The following SCHIP1 variants were observed in gnomAD, a reference collection of about 807,000 sequenced individuals.
SCHIP1 encodes the protein schwannomin interacting protein 1.
In SCHIP1, 8 loss-of-function variants were observed where a neutral mutation model predicts 29.7. The ratio of observed to expected loss-of-function variants is 0.27; its 90% confidence interval spans 0.16 to 0.49. The LOEUF (loss-of-function observed/expected upper bound fraction) is 0.49, where lower values mean the gene tolerates loss of function less well. Among genes scored for constraint, SCHIP1 ranks in the 20% least tolerant of loss-of-function variants. SCHIP1 has a pLI of 0.99. For missense variants in SCHIP1, 193 were observed against 294.6 expected (o/e 0.66, Z 2.52); for synonymous variants, 76 against 94.9 (o/e 0.80, Z 1.16).
the SCHIP1 span, among the ~76,000 whole-genome samples, chr3:159,406,068 TAACA>T: frequency 6.6e-6 from 1 of 151,272 alleles, no homozygotes. Context: ...TTCAAAGGGA[TAACA>T]AACAACTTCC....
the SCHIP1 span, among the ~76,000 whole-genome samples, chr3:159,627,692 T>C: frequency 6.6e-6 from 1 of 152,194 alleles, no homozygotes; most frequent in Admixed American, 6.6e-5. Flanking sequence ...AGAAAAATAT[T>C]CATCTGAAGA....
the SCHIP1 span, among the ~76,000 whole-genome samples, chr3:159,390,909 T>C: frequency 6.6e-6 from 1 of 152,160 alleles, no homozygotes; most frequent in Admixed American, 6.6e-5. Flanking sequence ...GAACTCAATC[T>C]GTACAGCTCA....
At chr3:159,606,064 C>T in the SCHIP1 span, among the ~76,000 whole-genome samples, 2 of 152,176 alleles carry the variant, frequency 1.3e-5, no homozygotes, top group South Asian at 4.2e-4. Context: ...CATGAATCTC[C>T]CCAGGTAGTT....
At chr3:159,497,701 G>A in the SCHIP1 span, among the ~76,000 whole-genome samples, 1 of 151,904 alleles carries the variant, frequency 6.6e-6, no homozygotes, top group Non-Finnish European at 1.5e-5. Context: ...AAGAATGGAA[G>A]AGAAGGAGGG....
the SCHIP1 span, among the ~76,000 whole-genome samples, chr3:159,426,853 A>C: frequency 2.0e-5 from 3 of 152,354 alleles, no homozygotes; most frequent in Non-Finnish European, 4.4e-5. Context: ...AGTGGGTTTC[A>C]TCTCTGGGAT....
At chr3:159,673,108 C>T in the SCHIP1 span, among the ~76,000 whole-genome samples, 1 of 152,184 alleles carries the variant, frequency 6.6e-6, no homozygotes, top group East Asian at 1.9e-4. Context: ...CAATGTTTCC[C>T]GCCTCCTCCA....
the SCHIP1 span, among the ~76,000 whole-genome samples, chr3:159,706,937 G>C: frequency 6.6e-6 from 1 of 152,298 alleles, no homozygotes; most frequent in Admixed American, 6.5e-5. Flanking sequence ...CTCGTTATGT[G>C]TCAGACACTC....
the SCHIP1 span, among the ~76,000 whole-genome samples, chr3:159,641,037 G>A: frequency 2.0e-4 from 31 of 152,140 alleles, no homozygotes; most frequent in African/African-American, 5.8e-4. Context: ...GCTGGAAAAC[G>A]AAGCCTAAAT....
the SCHIP1 span, among the ~76,000 whole-genome samples, chr3:159,456,572 C>G: frequency 1.3e-5 from 2 of 152,072 alleles, no homozygotes; most frequent in African/African-American, 4.8e-5. Context: ...ACATGTATGC[C>G]TATGTATAAA....
the SCHIP1 span, among the ~76,000 whole-genome samples, chr3:159,425,415 T>G: frequency 1.1e-4 from 16 of 151,192 alleles, no homozygotes; most frequent in African/African-American, 3.2e-4. Context: ...AAACAGACTT[T>G]AAACCAACAA....
At chr3:159,660,286 T>A in the SCHIP1 span, among the ~76,000 whole-genome samples, 1 of 152,128 alleles carries the variant, frequency 6.6e-6, no homozygotes, top group African/African-American at 2.4e-5. Flanking sequence ...TGTCTGTGAG[T>A]AGGCCACAAA....
the SCHIP1 span, among the ~76,000 whole-genome samples, chr3:159,779,486 T>G: frequency 2.7e-5 from 4 of 146,512 alleles, no homozygotes; most frequent in Admixed American, 1.4e-4. Context: ...CTGGCCAACA[T>G]GGTGAAACCC....
At chr3:159,282,568 C>T in the SCHIP1 span, 2 of 150,862 alleles carry the variant, frequency 1.3e-5, no homozygotes, top group African/African-American at 2.4e-5. Context: ...TATCATTTGT[C>T]TTAAGTTCAT....
the SCHIP1 span, among the ~76,000 whole-genome samples, chr3:159,297,951 A>G: frequency 6.6e-6 from 1 of 152,152 alleles, no homozygotes; most frequent in African/African-American, 2.4e-5. Context: ...CAGAGTATGC[A>G]TCCCCATCTG....
chr3:159,423,950 G>T, the SCHIP1 span, among the ~76,000 whole-genome samples: 1 of 151,910 alleles, frequency 6.6e-6, no homozygotes, highest in Admixed American at 6.6e-5. Context: ...AGGCAAACAG[G>T]GTCTGGAGTG....
chr3:159,300,804 C>T, the SCHIP1 span, among the ~76,000 whole-genome samples: 2 of 152,148 alleles, frequency 1.3e-5, no homozygotes, highest in African/African-American at 4.8e-5. Context: ...CTCTCTCCCT[C>T]TGTGGGGTTA....
At chr3:159,482,743 G>A in the SCHIP1 span, among the ~76,000 whole-genome samples, 1 of 152,158 alleles carries the variant, frequency 6.6e-6, no homozygotes, top group African/African-American at 2.4e-5. Context: ...AGATGGGAGA[G>A]TAATTATAGG....
the SCHIP1 span, among the ~76,000 whole-genome samples, chr3:159,645,972 T>C: frequency 1.3e-5 from 2 of 152,156 alleles, no homozygotes; most frequent in Non-Finnish European, 1.5e-5. Context: ...CTGTCTTAAA[T>C]TGGGTCCTCC....
chr3:159,389,950 T>C, the SCHIP1 span, among the ~76,000 whole-genome samples: 1 of 152,042 alleles, frequency 6.6e-6, no homozygotes, highest in Non-Finnish European at 1.5e-5. Context: ...ACAATCGACT[T>C]GGGCCTTATG....
Sources: gnomAD v4.1 joint callset for allele counts (sites outside exome capture counted in the v4.1 genomes callset) on GRCh38, gnomAD v4.1.1 for gene constraint, MANE v1.5 for transcripts, NCBI Gene and HGNC (gene_info 2026-07-23, HGNC 2026-07-21) for gene names.